Variants in PRKAG2 observed in about 807,000 individuals in gnomAD.
PRKAG2 encodes the protein protein kinase AMP-activated non-catalytic subunit gamma 2.
In PRKAG2, 26 loss-of-function variants were observed where a neutral mutation model predicts 69.6. That is an observed-to-expected ratio of 0.37 (90% CI 0.27 to 0.52). The LOEUF is 0.52. PRKAG2 is among the 20% of genes least tolerant of loss of function. The pLI is 0.90. For synonymous variants in PRKAG2, 293 were observed against 285.0 expected (o/e 1.03, Z -0.28); for missense variants, 557 against 740.0 (o/e 0.75, Z 2.87).
chr7:151,778,640 G>T (rs1035207584), intron 3 of PRKAG2, among the ~76,000 whole-genome samples: 1 of 152,176 alleles, frequency 6.6e-6, no homozygotes, highest in Non-Finnish European at 1.5e-5. Context: ...GGCATTCCTG[G>T]TGGCTCAACT....
At chr7:151,821,735 A>T (rs889679357) in intron 1 of PRKAG2, among the ~76,000 whole-genome samples, 8 of 152,246 alleles carry the variant, frequency 5.3e-5, no homozygotes, top group Admixed American at 4.6e-4. Context: ...TTTGAAACGG[A>T]TGCTCTTTTT....
intron 5 of PRKAG2, among the ~76,000 whole-genome samples, chr7:151,605,619 C>T (rs1039109932): frequency 2.0e-5 from 3 of 151,130 alleles, no homozygotes; most frequent in Non-Finnish European, 2.9e-5. Flanking sequence ...TGCCTGTAAT[C>T]CCAGCTACTT....
intron 1 of PRKAG2, among the ~76,000 whole-genome samples, chr7:151,797,068 C>T (rs901099273): frequency 2.6e-5 from 4 of 152,192 alleles, no homozygotes; most frequent in African/African-American, 9.7e-5. Context: ...CCCGGCCAGC[C>T]AGCTGCAGAC....
At chr7:151,863,179 C>T (rs541767027) in intron 1 of PRKAG2, among the ~76,000 whole-genome samples, 9 of 147,862 alleles carry the variant, frequency 6.1e-5, no homozygotes, top group South Asian at 2.2e-4. Flanking sequence ...GGTAGATCCC[C>T]GGGTGCAGGG....
chr7:151,581,977 C>T (rs1810583325), intron 6 of PRKAG2, among the ~76,000 whole-genome samples: 2 of 152,176 alleles, frequency 1.3e-5, no homozygotes, highest in African/African-American at 2.4e-5. Context: ...GTGGCAAATA[C>T]ATGTATGGGA....
At chr7:151,710,824 C>T (rs1007008832) in intron 3 of PRKAG2, among the ~76,000 whole-genome samples, 3 of 152,220 alleles carry the variant, frequency 2.0e-5, no homozygotes, top group Admixed American at 1.3e-4. Flanking sequence ...TTCTCTGTAC[C>T]TCTGTGTCAG....
chr7:151,831,894 C>G (rs1211403258), intron 1 of PRKAG2, among the ~76,000 whole-genome samples: 1 of 152,136 alleles, frequency 6.6e-6, no homozygotes, highest in Non-Finnish European at 1.5e-5. Flanking sequence ...GAGCAGAGGA[C>G]ACTTCCCCAG....
chr7:151,791,939 A>T (rs2077288676), intron 1 of PRKAG2, among the ~76,000 whole-genome samples: 1 of 152,240 alleles, frequency 6.6e-6, no homozygotes, highest in Admixed American at 6.5e-5. Context: ...CCGACTATAG[A>T]TGAAGATACT....
intron 1 of PRKAG2, among the ~76,000 whole-genome samples, chr7:151,864,468 C>T (rs2080011773): frequency 6.6e-6 from 1 of 152,234 alleles, no homozygotes; most frequent in African/African-American, 2.4e-5. Context: ...CCACACCTGG[C>T]AGGTACCCTG....
chr7:151,803,866 A>T (rs1430796969), intron 1 of PRKAG2, among the ~76,000 whole-genome samples: 1 of 147,846 alleles, frequency 6.8e-6, no homozygotes, highest in Admixed American at 6.9e-5. Context: ...TGAACCTGGG[A>T]GGCAGAGGTT....
chr7:151,692,592 C>T (rs1835854946), intron 3 of PRKAG2, among the ~76,000 whole-genome samples: 1 of 151,954 alleles, frequency 6.6e-6, no homozygotes, highest in South Asian at 2.1e-4. Flanking sequence ...GTGAGTTTTA[C>T]TCTACGTAAC....
At chr7:151,712,170 C>T (rs1374299635) in intron 3 of PRKAG2, among the ~76,000 whole-genome samples, 1 of 152,240 alleles carries the variant, frequency 6.6e-6, no homozygotes, top group African/African-American at 2.4e-5. Context: ...AGTGTGGCCC[C>T]CACCCTCACG....
chr7:151,873,458 A>G lies in PRKAG2; in HGVS notation c.114+3049T>C, dbSNP rs2080266740. On this transcript the variant is annotated intron_variant, in intron 1 of 15. Transcript: ENST00000287878. ...CCCAGCGAGGTTATAACTGCCACCT[A>G]GCCTGGCACAATGATCCATAGGTAA... Among the ~76,000 whole-genome samples, 3 of 152,322 alleles carry G rather than the reference A, an allele frequency of 2.0e-5. 1 individual carries two copies. The South Asian group carries it at 6.2e-4, about 32-fold the overall frequency.
chr7:151,671,806 C>G (rs1020604474), intron 4 of PRKAG2, among the ~76,000 whole-genome samples: 3 of 152,214 alleles, frequency 2.0e-5, no homozygotes, highest in Non-Finnish European at 2.9e-5. Context: ...AGGGCTGAAA[C>G]TTACAAGTGG....
At chr7:151,793,980 C>T (rs1039919058) in intron 1 of PRKAG2, among the ~76,000 whole-genome samples, 15 of 152,214 alleles carry the variant, frequency 9.9e-5, no homozygotes, top group African/African-American at 3.4e-4. Context: ...CAGAGGACAC[C>T]GTAGTTTCTC....
intron 1 of PRKAG2, among the ~76,000 whole-genome samples, chr7:151,812,199 G>A (rs775596430): frequency 1.3e-5 from 2 of 152,096 alleles, no homozygotes; most frequent in South Asian, 2.1e-4. Flanking sequence ...TGAATCTACC[G>A]ACAAGAATTG....
chr7:151,738,823 C>A (rs779732009), intron 3 of PRKAG2, among the ~76,000 whole-genome samples: 3 of 152,218 alleles, frequency 2.0e-5, no homozygotes, highest in African/African-American at 4.8e-5. Context: ...CCACTTCACA[C>A]CTCTATATTT....
intron 3 of PRKAG2, among the ~76,000 whole-genome samples, chr7:151,744,250 G>A (rs756046570): frequency 2.9e-4 from 44 of 152,308 alleles, no homozygotes; most frequent in Non-Finnish European, 5.3e-4. Flanking sequence ...CCGGGGCCAC[G>A]TTCCCACGGC....
At chr7:151,743,326 C>T (rs1422825337) in intron 3 of PRKAG2, among the ~76,000 whole-genome samples, 1 of 152,150 alleles carries the variant, frequency 6.6e-6, no homozygotes, top group Non-Finnish European at 1.5e-5. Flanking sequence ...ATTCGGGTGG[C>T]AGATGCCTTT....
Sources: allele counts gnomAD v4.1 joint callset (sites outside exome capture counted in the v4.1 genomes callset), GRCh38; gene constraint gnomAD v4.1.1; transcripts MANE v1.5; gene names NCBI Gene and HGNC (gene_info 2026-07-23, HGNC 2026-07-21).